Variants in CNKSR2 observed in about 807,000 individuals in gnomAD.
The protein encoded by CNKSR2 is CNK homolog protein 2.
CNKSR2 carries 14 observed loss-of-function variants against 84.4 expected under a neutral mutation model. That is an observed-to-expected ratio of 0.17 (90% CI 0.11 to 0.26). CNKSR2 has a LOEUF of 0.26. CNKSR2 is among the 10% of genes least tolerant of loss of function. CNKSR2 has a pLI of 1.00. For missense variants in CNKSR2, 485 were observed against 771.2 expected (o/e 0.63, Z 4.40); for synonymous variants, 275 against 277.9 (o/e 0.99, Z 0.10).
At chrX:21,538,586 G>T (rs1216481916) in intron 11 of CNKSR2, 1 of 111,871 alleles carries the variant, frequency 8.9e-6, no homozygotes, top group Admixed American at 9.5e-5. Flanking sequence ...ATGAAAGGGA[G>T]TTTATGAAGC....
At chrX:21,490,387 AT>A in intron 5 of CNKSR2, 71 bp from the exon 6 acceptor site, 5 of 1,012,777 alleles carry the variant, frequency 4.9e-6, no homozygotes, top group Non-Finnish European at 6.7e-6. Context: ...TGAAAACGTT[AT>A]TACAAAAGGT....
chrX:21,378,484 A>G (rs1030643774), intron 1 of CNKSR2, among the ~76,000 whole-genome samples: 5 of 111,392 alleles, frequency 4.5e-5, no homozygotes, highest in African/African-American at 1.6e-4. Flanking sequence ...CTACCTGTTC[A>G]CTTGCAGGGC....
Position 21,426,630 on chromosome X carries a change from C to A in CNKSR2, c.198C>A (p.Ile66=). ...GCCGCATTGGCCATCAGGAACTGAT[C>A]TTGGAAGCAGTTGACCTTCTGTGTG... is the stretch of plus-strand genomic sequence containing the variant. ...GVSRIGHQEL[I]LEAVDLLCAL... is the part of the protein sequence containing the mutation. The change falls in exon 2 of 22, where the codon ATC becomes ATA. Residue 66 remains isoleucine, a synonymous_variant. Transcript: ENST00000379510. 1.7e-6 allele frequency: 2 copies of A among 1,205,677 alleles called. No homozygotes were observed. Among genetic ancestry groups the A allele is most frequent in the South Asian group, 3.6e-5 (2 of 55,609 alleles).
chrX:21,650,603 T>G (rs1415740099), intron 21 of CNKSR2, among the ~76,000 whole-genome samples: 1 of 108,235 alleles, frequency 9.2e-6, no homozygotes, highest in Non-Finnish European at 1.9e-5. Context: ...TCATACAGAG[T>G]ATGTGCTGTA....
chrX:21,636,207 CATTG>C (rs1416304123), intron 20 of CNKSR2, among the ~76,000 whole-genome samples: 1 of 111,350 alleles, frequency 9.0e-6, no homozygotes, highest in Non-Finnish European at 1.9e-5. Flanking sequence ...AGTTACTTCA[CATTG>C]ATTATCATCC....
chrX:21,426,109 A>G (rs1487725792), intron 1 of CNKSR2: 2 of 141,583 alleles, frequency 1.4e-5, no homozygotes, highest in Non-Finnish European at 2.7e-5. Flanking sequence ...AGCTTTAAAT[A>G]GGAAGGATAC....
At chrX:21,592,973 C>T (rs1277601175) in intron 15 of CNKSR2, 1 of 107,945 alleles carries the variant, frequency 9.3e-6, no homozygotes, top group African/African-American at 3.4e-5. Flanking sequence ...AACTGTGGCC[C>T]CTTTTTGTTG....
At chrX:21,445,570 A>G (rs1425056544) in intron 4 of CNKSR2, among the ~76,000 whole-genome samples, 1 of 110,943 alleles carries the variant, frequency 9.0e-6, no homozygotes, top group Non-Finnish European at 1.9e-5. Flanking sequence ...GTAATTTTGT[A>G]TCTATTAACT....
At chrX:21,494,580 C>G (rs967558462) in intron 6 of CNKSR2, 1 of 110,902 alleles carries the variant, frequency 9.0e-6, no homozygotes, top group Non-Finnish European at 1.9e-5. Flanking sequence ...TAGGGAGACT[C>G]CCTTTATGGG....
At chrX:21,578,251 G>T (rs368934857) in intron 13 of CNKSR2, among the ~76,000 whole-genome samples, 3 of 111,606 alleles carry the variant, frequency 2.7e-5, no homozygotes, top group Non-Finnish European at 5.7e-5. Flanking sequence ...AGGTAAATTA[G>T]TGTAAACTTT....
intron 11 of CNKSR2, among the ~76,000 whole-genome samples, chrX:21,543,973 C>T (rs2091999415): frequency 9.0e-6 from 1 of 111,243 alleles, no homozygotes; most frequent in Non-Finnish European, 1.9e-5. Flanking sequence ...AGGCGTGCAT[C>T]ACCACGCCTG....
chrX:21,426,870 C>T (rs1473863746), intron 2 of CNKSR2: 2 of 415,767 alleles, frequency 4.8e-6, no homozygotes, highest in Non-Finnish European at 8.0e-6. Context: ...TCTTTTATAA[C>T]AGTAAGACTT....
chrX:21,435,828 T>G (rs1177603620), intron 3 of CNKSR2, among the ~76,000 whole-genome samples: 2 of 111,699 alleles, frequency 1.8e-5, no homozygotes, highest in African/African-American at 6.5e-5. Flanking sequence ...AAAAGTTTTT[T>G]TCCTTCATTT....
At chrX:21,586,031 G>A (rs190707611) in intron 13 of CNKSR2, among the ~76,000 whole-genome samples, 43 of 110,929 alleles carry the variant, frequency 3.9e-4, no homozygotes, top group African/African-American at 1.4e-3. Flanking sequence ...AAAAGATATG[G>A]TCATGGTCAA....
chrX:21,444,860 C>A (rs2090831366), intron 4 of CNKSR2, among the ~76,000 whole-genome samples: 1 of 110,461 alleles, frequency 9.1e-6, no homozygotes, highest in Non-Finnish European at 1.9e-5. Context: ...TATGTTGAAA[C>A]ATTCATGTTC....
At chrX:21,519,559 G>T (rs2147101315) in intron 9 of CNKSR2, among the ~76,000 whole-genome samples, 1 of 110,515 alleles carries the variant, frequency 9.0e-6, no homozygotes, top group East Asian at 2.9e-4. Context: ...AAATACACTG[G>T]AGCCAAAATG....
chrX:21,563,590 TA>T (rs1415547756), intron 13 of CNKSR2, 138 bp downstream of exon 13: 1 of 451,094 alleles, frequency 2.2e-6, no homozygotes, highest in South Asian at 5.3e-5. Context: ...TTTATGCCCT[TA>T]AAAAATGATG....
At chrX:21,425,331 GA>G (rs1348014046) in intron 1 of CNKSR2, 2 of 111,544 alleles carry the variant, frequency 1.8e-5, no homozygotes, top group African/African-American at 3.3e-5. Context: ...GAAAGAAAAA[GA>G]AGATTGTATA....
chrX:21,434,156 C>T (rs1038288029), intron 3 of CNKSR2, among the ~76,000 whole-genome samples: 5 of 111,019 alleles, frequency 4.5e-5, no homozygotes, highest in African/African-American at 1.6e-4. Context: ...CTTTTACTCT[C>T]ATTTTCCCTA....
Sources: gnomAD v4.1 joint callset for allele counts (sites outside exome capture counted in the v4.1 genomes callset) on GRCh38, gnomAD v4.1.1 for gene constraint, MANE v1.5 for transcripts, NCBI Gene and HGNC (gene_info 2026-07-23, HGNC 2026-07-21) for gene names.